Variants in INTS2 observed in about 807,000 individuals in gnomAD.
INTS2 encodes the protein KIAA1287.
INTS2 carries 57 observed loss-of-function variants against 139.6 expected under a neutral mutation model. That is an observed-to-expected ratio of 0.41 (90% CI 0.33 to 0.51). The LOEUF is 0.51. Ranked by LOEUF, INTS2 falls within the 20% of genes least tolerant of loss-of-function variation. INTS2 has a pLI of 0.28. For missense variants in INTS2, 1,196 were observed against 1,436.7 expected, an observed-to-expected ratio of 0.83 and a Z score of 2.71; for synonymous variants, 473 against 493.4, an observed-to-expected ratio of 0.96 and a Z score of 0.55.
chr17:61,904,940 T>C (rs923664593), intron 8 of INTS2, among the ~76,000 whole-genome samples: 9 of 146,512 alleles, frequency 6.1e-5, no homozygotes, highest in Non-Finnish European at 1.0e-4. Context: ...TTGATTATAA[T>C]GCATAATTTT....
chr17:61,870,755 T>C lies in INTS2; in HGVS notation c.2779-767A>G, dbSNP rs2079082166. ...TATAAAGTGAGGTTAGACTACTTTATAATCATGGTTCTTGGGGAAAGGAGT... is the reference window on the plus strand; with the variant it reads ...TATAAAGTGAGGTTAGACTACTTTACAATCATGGTTCTTGGGGAAAGGAGT... On this transcript the variant is annotated intron_variant, in intron 20 of 24. Coordinates refer to ENST00000251334, the MANE Select transcript of INTS2 (RefSeq NM_001351695.2). The surrounding 1 kb of genome is among the most constrained non-coding windows in gnomAD (Gnocchi z 4.4). Among the ~76,000 whole-genome samples the C allele has an allele frequency of 6.6e-6, 1 of 152,268 alleles. No homozygotes were observed. The highest frequency in any genetic ancestry group is 2.4e-5 in the African/African-American group (1 of 41,478).
chr17:61,894,622 T>C (rs2079328655), intron 12 of INTS2, among the ~76,000 whole-genome samples: 1 of 151,850 alleles, frequency 6.6e-6, no homozygotes, highest in African/African-American at 2.4e-5. Flanking sequence ...GAGGCTGAGG[T>C]GGGTGGATCA....
chr17:61,896,896 C>G (rs1033198149), intron 11 of INTS2, among the ~76,000 whole-genome samples: 1 of 152,132 alleles, frequency 6.6e-6, no homozygotes, highest in Admixed American at 6.5e-5. Flanking sequence ...TTTTCCTTAG[C>G]AATTACCTTC....
intron 5 of INTS2, among the ~76,000 whole-genome samples, chr17:61,918,144 AAG>A (rs2079602037): frequency 6.6e-6 from 1 of 152,228 alleles, no homozygotes; most frequent in South Asian, 2.1e-4. Flanking sequence ...ACAGTTTACA[AAG>A]AGTTTTTACA....
At chr17:61,924,215 G>C (rs1246070324) in intron 3 of INTS2, among the ~76,000 whole-genome samples, 1 of 152,056 alleles carries the variant, frequency 6.6e-6, no homozygotes, top group Non-Finnish European at 1.5e-5. Flanking sequence ...GTGTCTAAAT[G>C]AATCACATAC....
At chr17:61,922,272 A>G (rs1335935044) in intron 3 of INTS2, among the ~76,000 whole-genome samples, 6 of 151,982 alleles carry the variant, frequency 3.9e-5, no homozygotes, top group African/African-American at 1.4e-4. Context: ...GGAGTTCGAG[A>G]CCAGCCTGGC....
rs754618393 is a variant in INTS2, at chr17:61,882,659, G to A, written c.2090-1488C>T. Reference sequence around the variant, plus strand: ...CACAAGAATTGCTTGAACCTGGGACGTGGAGGTTGCAGTGAGCCAAGATCA... The same window carrying A: ...CACAAGAATTGCTTGAACCTGGGACATGGAGGTTGCAGTGAGCCAAGATCA... On this transcript the variant is annotated intron_variant, in intron 16 of 24. Transcript: ENST00000251334. This position sits in a 1 kb window ranked among gnomAD's most constrained non-coding sequence, Gnocchi z 4.7. Among the ~76,000 whole-genome samples, 21 of 152,264 alleles carry A rather than the reference G, an allele frequency of 1.4e-4. No homozygotes were observed. The highest frequency in any genetic ancestry group is 2.9e-4 in the African/African-American group (12 of 41,548).
rs1567890977 is a variant in INTS2, at chr17:61,878,010, A to AGTTCACT, written c.2326_2332dup (p.Leu778GlnfsTer2). The AGTTCACT allele has an allele frequency of 6.2e-7, 1 of 1,612,546 alleles. No homozygotes were observed. ...TGTTAACACTTCCGCATATGGTATA[A>AGTTCACT]GTTCACTGGCAGAGAGTAGAGTCAA... On this transcript the variant is annotated stop_gained and frameshift_variant, in exon 18 of 25. Transcript: ENST00000251334. LOFTEE classifies it high-confidence loss of function.
rs527821335 is a variant in INTS2, at chr17:61,882,690, T to C, written c.2090-1519A>G. ...GTTGCAGTGAGCCAAGATCATGCCA[T>C]TGCACTCCAGCCTGGGTGACAGAGC... is the stretch of plus-strand genomic sequence containing the variant. On this transcript the variant is annotated intron_variant, in intron 16 of 24. Coordinates refer to ENST00000251334, the MANE Select transcript of INTS2 (RefSeq NM_001351695.2). The surrounding 1 kb of genome is among the most constrained non-coding windows in gnomAD (Gnocchi z 4.7). Among the ~76,000 whole-genome samples, 7 of 152,188 alleles carry C rather than the reference T, an allele frequency of 4.6e-5. No individual in the cohort carries two copies. The highest frequency in any genetic ancestry group is 2.1e-4 in the South Asian group (1 of 4,816).
intron 7 of INTS2, chr17:61,911,199 T>A (rs747372123): frequency 2.3e-5 from 8 of 343,320 alleles, no homozygotes; most frequent in East Asian, 4.4e-5. Flanking sequence ...GCTTAAGCAA[T>A]CTTCCTGCTT....
In INTS2 at chr17:61,867,312, GAAA is replaced by G; in HGVS notation, c.*242_*244del. 1 of 240,122 alleles carries G rather than the reference GAAA, an allele frequency of 4.2e-6. No individual in the cohort carries two copies. Among genetic ancestry groups the G allele is most frequent in the Non-Finnish European group, 7.7e-6 (1 of 129,092 alleles). 14.9% of individuals were successfully genotyped at this position (240,122 alleles called of 1,614,324 possible). ...GAGTTTCTTACATGTGTTCCCAGTG[GAAA>G]AAAAAAAAGCTCAGCTGCTACAATA... is the stretch of plus-strand genomic sequence containing the variant. On this transcript the variant is annotated 3_prime_UTR_variant, in exon 25 of 25. Transcript: ENST00000251334. This position sits in a 1 kb window ranked among gnomAD's most constrained non-coding sequence, Gnocchi z 5.6.
chr17:61,907,555 G>A lies in INTS2; in HGVS notation c.1034C>T (p.Thr345Ile). The change falls in exon 8 of 25, where the codon ACA (threonine) becomes ATA (isoleucine). Residue 345 changes from threonine (T) to isoleucine (I), a missense_variant. Transcript: ENST00000251334. The stretch of plus-strand genomic sequence containing the variant: ...TTCCACAATTCGGGTGCTTCTTACT[G>A]TGGGAAGAATGCCCATCAACTCCAG... ...LLLELMGILP[T>I]VRSTRIVEEA... 1.9e-6 allele frequency: 3 copies of A among 1,593,998 alleles called. No individual in the cohort carries two copies. Among genetic ancestry groups the A allele is most frequent in the African/African-American group, 1.3e-5 (1 of 74,792 alleles).
rs754468707 is a variant in INTS2, at chr17:61,878,022, G to C, written c.2321C>G (p.Ser774Cys). ...MQIIEHLTLL[S>C]ASELIPYAEV... is the part of the protein sequence containing the mutation. Reference sequence around the variant, plus strand: ...CGCATATGGTATAAGTTCACTGGCAGAGAGTAGAGTCAAGTGTTCTATAAT... The same window carrying C: ...CGCATATGGTATAAGTTCACTGGCACAGAGTAGAGTCAAGTGTTCTATAAT... The change falls in exon 18 of 25, where the codon TCT becomes TGT. Residue 774 changes from serine (S) to cysteine (C), a missense_variant. Ser to Cys is a moderately radical substitution (Grantham distance 112). Coordinates refer to ENST00000251334, the MANE Select transcript of INTS2 (RefSeq NM_001351695.2). 10 of 1,612,744 alleles carry C rather than the reference G, an allele frequency of 6.2e-6. No individual in the cohort carries two copies. The highest frequency in any genetic ancestry group is 8.5e-6 in the Non-Finnish European group (10 of 1,178,756).
At chr17:61,898,714 A>G (rs572530721) in intron 9 of INTS2, among the ~76,000 whole-genome samples, 1 of 152,298 alleles carries the variant, frequency 6.6e-6, no homozygotes, top group East Asian at 1.9e-4. Context: ...CCCGGGTTCA[A>G]GCGATTCTCC....
chr17:61,874,967 T>C lies in INTS2; in HGVS notation c.2528A>G (p.Asn843Ser). 6.3e-7 allele frequency: 1 copy of C among 1,598,594 alleles called. No individual in the cohort carries two copies. Among genetic ancestry groups the C allele is most frequent in the Middle Eastern group, 1.7e-4 (1 of 6,046 alleles). The change falls in exon 19 of 25, where the codon AAT becomes AGT. Residue 843 changes from asparagine to serine, a missense_variant. Coordinates refer to ENST00000251334, the MANE Select transcript of INTS2 (RefSeq NM_001351695.2). The stretch of plus-strand genomic sequence containing the variant: ...AATGAGAGGATCTATCATCAGGTCA[T>C]TCTGAGTATACTTTTGTTGTCGTAC... ...KFVRQQKYTQNDLMIDPLIVL... is the reference protein window; with the variant it reads ...KFVRQQKYTQSDLMIDPLIVL...
At chr17:61,885,993 G>A (rs1279365201) in intron 15 of INTS2, among the ~76,000 whole-genome samples, 3 of 151,998 alleles carry the variant, frequency 2.0e-5, no homozygotes, top group Non-Finnish European at 4.4e-5. Context: ...CTCCCAAACT[G>A]CTGGGATTAC....
At chr17:61,908,502 T>G (rs116616618) in intron 7 of INTS2, among the ~76,000 whole-genome samples, 1 of 152,196 alleles carries the variant, frequency 6.6e-6, no homozygotes, top group Non-Finnish European at 1.5e-5. Flanking sequence ...CTCTGCACAG[T>G]CGAACATTGT....
rs2079086784 is a variant in INTS2, at chr17:61,871,313, G to T, written c.2778+952C>A. Among the ~76,000 whole-genome samples, 1 of 151,982 alleles carries T rather than the reference G, an allele frequency of 6.6e-6. No individual in the cohort carries two copies. The highest frequency in any genetic ancestry group is 1.5e-5 in the Non-Finnish European group (1 of 68,002). On this transcript the variant is annotated intron_variant, in intron 20 of 24. Transcript: ENST00000251334. The surrounding 1 kb of genome is among the most constrained non-coding windows in gnomAD (Gnocchi z 4.9). ...TTTTTGTATTTTTAGTAGAGATGGG[G>T]TTTCACCATGTTGGCCAGGCTGGTC... is the stretch of plus-strand genomic sequence containing the variant.
At position 61,869,834 on chromosome 17, in the gene INTS2, A is replaced by C. The variant is rs369347516; in HGVS notation, c.2933T>G (p.Leu978Trp). ...NKGMEEGEDN[L>W]LCNLREVQCL... ...CTGAACTTCTCGAAGGTTACAGAGCAAATTGTCTTCTCCTTCCTCCATTCC... is the reference window on the plus strand; with the variant it reads ...CTGAACTTCTCGAAGGTTACAGAGCCAATTGTCTTCTCCTTCCTCCATTCC... The change falls in exon 21 of 25, where the codon TTG (leucine) becomes TGG (tryptophan). Residue 978 changes from leucine to tryptophan, a missense_variant. Physicochemically the swap from Leu to Trp is moderately conservative, Grantham distance 61. This residue lies in a region of INTS2 where 1,129 missense variants were observed against 1,341.9 expected (regional missense o/e 0.84). Coordinates refer to ENST00000251334, the MANE Select transcript of INTS2 (RefSeq NM_001351695.2). This position sits in a 1 kb window ranked among gnomAD's most constrained non-coding sequence, Gnocchi z 5.4. The C allele has an allele frequency of 1.3e-4, 202 of 1,613,824 alleles. No individual in the cohort carries two copies. The highest frequency in any genetic ancestry group is 1.6e-4 in the Non-Finnish European group (191 of 1,179,818).
Sources: allele counts gnomAD v4.1 joint callset (sites outside exome capture counted in the v4.1 genomes callset), GRCh38; gene constraint gnomAD v4.1.1; regional missense constraint gnomAD v4.1.1; non-coding constraint Gnocchi (gnomAD v3.1); transcripts MANE v1.5; gene names NCBI Gene and HGNC (gene_info 2026-07-23, HGNC 2026-07-21).